Variants in MAP2 observed in about 807,000 individuals in gnomAD.
MAP2 encodes microtubule-associated protein 2.
A neutral mutation model predicts 137.6 loss-of-function variants in MAP2; 14 were observed. That is an observed-to-expected ratio of 0.10 (90% confidence interval 0.07 to 0.16). The LOEUF (loss-of-function observed/expected upper bound fraction) is 0.16, where lower values mean the gene tolerates loss of function less well. Ranked by LOEUF, MAP2 falls within the 10% of genes least tolerant of loss-of-function variation. MAP2 has a pLI of 1.00. For missense variants in MAP2, 2,088 were observed against 2,191.5 expected, an observed-to-expected ratio of 0.95 and a Z score of 0.94; for synonymous variants, 786 against 782.3, an observed-to-expected ratio of 1.00 and a Z score of -0.08.
chr2:209,629,860 T>TGA (rs1442598151), intron 4 of MAP2, among the ~76,000 whole-genome samples: 1 of 152,174 alleles, frequency 6.6e-6, no homozygotes, highest in Admixed American at 6.5e-5. Context: ...CTTAACAGGC[T>TGA]GAGTCATCAG....
intron 2 of MAP2, among the ~76,000 whole-genome samples, chr2:209,576,911 T>C (rs1174788745): frequency 6.6e-6 from 1 of 152,206 alleles, no homozygotes; most frequent in Non-Finnish European, 1.5e-5. Flanking sequence ...AAAAAGAGTG[T>C]ACCAACTCAT....
chr2:209,598,570 G>A (rs1255730288), intron 3 of MAP2, among the ~76,000 whole-genome samples: 4 of 147,198 alleles, frequency 2.7e-5, no homozygotes, highest in Non-Finnish European at 6.0e-5. Flanking sequence ...CTAGCATTAG[G>A]TATATCTCCC....
chr2:209,451,447 C>T (rs913895897), intron 1 of MAP2, among the ~76,000 whole-genome samples: 2 of 152,184 alleles, frequency 1.3e-5, no homozygotes, highest in African/African-American at 4.8e-5. Flanking sequence ...TCTGTGCCTC[C>T]CAGGTAAGTA....
intron 2 of MAP2, among the ~76,000 whole-genome samples, chr2:209,532,529 A>G (rs1245264437): frequency 1.3e-5 from 2 of 152,162 alleles, no homozygotes; most frequent in Non-Finnish European, 2.9e-5. Context: ...CATAGCTTAC[A>G]GCTGGCTGGG....
intron 1 of MAP2, among the ~76,000 whole-genome samples, chr2:209,456,923 A>C (rs1480351050): frequency 2.0e-5 from 3 of 152,186 alleles, no homozygotes; most frequent in Non-Finnish European, 4.4e-5. Context: ...TGTCATCATT[A>C]TAGGAATCTT....
At chr2:209,500,825 G>A (rs923538442) in intron 1 of MAP2, among the ~76,000 whole-genome samples, 8 of 151,894 alleles carry the variant, frequency 5.3e-5, no homozygotes, top group South Asian at 2.1e-4. Flanking sequence ...ACTTGAGCCC[G>A]GGAGTTTGAG....
At chr2:209,599,503 G>A (rs920383816) in intron 3 of MAP2, among the ~76,000 whole-genome samples, 3 of 151,948 alleles carry the variant, frequency 2.0e-5, no homozygotes, top group African/African-American at 7.3e-5. Context: ...TTTTTCTTGT[G>A]ATCATATATC....
chr2:209,515,127 G>T (rs188918189), intron 2 of MAP2, among the ~76,000 whole-genome samples: 2 of 152,208 alleles, frequency 1.3e-5, no homozygotes, highest in African/African-American at 4.8e-5. Flanking sequence ...TTGCTTTACA[G>T]TCTTCATTTT....
At chr2:209,651,907 C>T (rs1222471445) in intron 4 of MAP2, among the ~76,000 whole-genome samples, 1 of 152,210 alleles carries the variant, frequency 6.6e-6, no homozygotes, top group Non-Finnish European at 1.5e-5. Flanking sequence ...TTTATTTATA[C>T]TTTCTCCAAA....
chr2:209,463,099 A>T (rs1017197668), intron 1 of MAP2, among the ~76,000 whole-genome samples: 1 of 152,078 alleles, frequency 6.6e-6, no homozygotes, highest in Non-Finnish European at 1.5e-5. Flanking sequence ...GATCCTCAGA[A>T]TCTATCTCAT....
intron 3 of MAP2, among the ~76,000 whole-genome samples, chr2:209,622,903 A>T (rs751021827): frequency 3.3e-5 from 5 of 152,152 alleles, no homozygotes; most frequent in Non-Finnish European, 7.3e-5. Flanking sequence ...ACTGATAGGT[A>T]TTGGGTACCC....
Position 209,693,126 on chromosome 2 carries a change from G to A in MAP2, c.956G>A (p.Gly319Glu). Residue 319 changes from glycine to glutamate, a missense_variant, in exon 8 of 16, where the codon GGG (glycine) becomes GAG (glutamate). Around this residue, in one of 6 missense-constraint regions of MAP2, gnomAD observed 859 missense variants for 794.5 expected, o/e 1.08. Transcript: ENST00000682079. ...TCTCCCATGCCAAGTCCCTTTCAAG[G>A]GGGAAGCTTCACTCTTCCTTTAGAT... is the stretch of plus-strand genomic sequence containing the variant. ...FDSPMPSPFQ[G>E]GSFTLPLDVM... The A allele has an allele frequency of 6.2e-7, 1 of 1,612,182 alleles. No homozygotes were observed. The highest frequency in any genetic ancestry group is 8.5e-7 in the Non-Finnish European group (1 of 1,179,374).
chr2:209,511,176 C>T (rs2061674689), intron 2 of MAP2, among the ~76,000 whole-genome samples: 2 of 152,078 alleles, frequency 1.3e-5, no homozygotes, highest in South Asian at 4.1e-4. Flanking sequence ...TATATTGATA[C>T]TGTCTTTTAG....
intron 5 of MAP2, among the ~76,000 whole-genome samples, chr2:209,658,162 G>A (rs145193275): frequency 6.6e-6 from 1 of 152,244 alleles, no homozygotes; most frequent in Non-Finnish European, 1.5e-5. Flanking sequence ...GGGATTATTT[G>A]TAAAATTTGT....
At chr2:209,474,406 A>G (rs1239353905) in intron 1 of MAP2, among the ~76,000 whole-genome samples, 1 of 152,100 alleles carries the variant, frequency 6.6e-6, no homozygotes, top group African/African-American at 2.4e-5. Flanking sequence ...AGGCAGTTAT[A>G]TCGCTGTTAA....
intron 4 of MAP2, among the ~76,000 whole-genome samples, chr2:209,650,454 T>C (rs1202742126): frequency 6.6e-6 from 1 of 152,114 alleles, no homozygotes; most frequent in African/African-American, 2.4e-5. Flanking sequence ...AACACATAAC[T>C]TTAAACTAAT....
At chr2:209,640,800 G>T (rs1428580265) in intron 4 of MAP2, among the ~76,000 whole-genome samples, 1 of 151,418 alleles carries the variant, frequency 6.6e-6, no homozygotes, top group African/African-American at 2.4e-5. Context: ...CCAAAAAGCC[G>T]ATCCCACTCA....
intron 3 of MAP2, among the ~76,000 whole-genome samples, chr2:209,593,754 TATATAATATATAATATAATATAATACA>T (rs1579646372): frequency 3.8e-3 from 3 of 782 alleles, no homozygotes; most frequent in East Asian, 0.5. Flanking sequence ...TATTATATTA[TATATAATATATAATATAATATAATACA>T]TTATATTATA....
intron 4 of MAP2, among the ~76,000 whole-genome samples, chr2:209,633,107 GCA>G (rs2093246579): frequency 6.6e-6 from 1 of 152,030 alleles, no homozygotes; most frequent in Admixed American, 6.6e-5. Flanking sequence ...TCTAACCTCA[GCA>G]GGTGACTTGT....
Sources: allele counts gnomAD v4.1 joint callset (sites outside exome capture counted in the v4.1 genomes callset), GRCh38; gene constraint gnomAD v4.1.1; regional missense constraint gnomAD v4.1.1; transcripts MANE v1.5; gene names NCBI Gene and HGNC (gene_info 2026-07-23, HGNC 2026-07-21).